The following ASAP1 variants were observed in gnomAD, a reference collection of about 807,000 sequenced individuals.
ASAP1 encodes ArfGAP with SH3 domain, ankyrin repeat and PH domain 1, also known as arf-GAP with SH3 domain, ANK repeat and PH domain-containing protein 1.
A neutral mutation model predicts 145.2 loss-of-function variants in ASAP1; 43 were observed. The observed-to-expected ratio is 0.30, with a 90% CI of 0.23 to 0.38. The LOEUF (loss-of-function observed/expected upper bound fraction) is 0.38. Among genes scored for constraint, ASAP1 ranks in the 10% least tolerant of loss-of-function variants. ASAP1 has a pLI of 1.00. For missense variants in ASAP1, 1,018 were observed against 1,355.3 expected (o/e 0.75, Z 3.91); for synonymous variants, 546 against 515.5 (o/e 1.06, Z -0.80).
chr8:130,425,511 T>A (rs1829884342), intron 1 of ASAP1, among the ~76,000 whole-genome samples: 4 of 152,058 alleles, frequency 2.6e-5, no homozygotes. Context: ...AGCAAGACTC[T>A]GTCTCAAAAA....
intron 24 of ASAP1, among the ~76,000 whole-genome samples, chr8:130,111,661 T>C (rs983090754): frequency 1.5e-5 from 2 of 136,506 alleles, no homozygotes; most frequent in African/African-American, 5.0e-5. Flanking sequence ...CATTTTAATG[T>C]AGAGAAAAGT....
chr8:130,205,529 T>C lies in ASAP1; in HGVS notation c.405+9027A>G, dbSNP rs139792238. On this transcript the variant is annotated intron_variant, in intron 5 of 29. Coordinates refer to ENST00000518721, the MANE Select transcript of ASAP1 (RefSeq NM_018482.4). The stretch of plus-strand genomic sequence containing the variant: ...CAAATAATCAGTTATGGTACAGATA[T>C]ACAATGAAACAGTATGCAGCCTGTT... Among the ~76,000 whole-genome samples, 100 of 149,398 alleles carry C rather than the reference T, an allele frequency of 6.7e-4. 3 individuals carry two copies. In the East Asian group the frequency reaches 0.016, roughly 24 times the overall value.
rs557936380 is a variant in ASAP1 at position 130,132,158 on chromosome 8, C to T, written c.1217+2138G>A. Among the ~76,000 whole-genome samples, 16 of 152,288 alleles carry T rather than the reference C, an allele frequency of 1.1e-4. No individual in the cohort carries two copies. In the South Asian group the frequency reaches 3.3e-3, roughly 32 times the overall value. On this transcript the variant is annotated intron_variant, in intron 15 of 29. Transcript: ENST00000518721. Reference sequence around the variant, plus strand: ...AAATCCTAGCTTACTAGGACTGTTACCATGGGCACATTGTGCCTCTGTTTC... The same window carrying T: ...AAATCCTAGCTTACTAGGACTGTTATCATGGGCACATTGTGCCTCTGTTTC...
chr8:130,273,829 T>A (rs1440493059), intron 3 of ASAP1, among the ~76,000 whole-genome samples: 1 of 152,188 alleles, frequency 6.6e-6, no homozygotes, highest in Non-Finnish European at 1.5e-5. Flanking sequence ...CACTGCCCTG[T>A]CTGGTAACAT....
chr8:130,167,476 G>A, intron 11 of ASAP1, 60 bp downstream of exon 11: 1 of 1,308,538 alleles, frequency 7.6e-7, no homozygotes, highest in Non-Finnish European at 1.1e-6. Flanking sequence ...AAACACAAAG[G>A]GTATTACAAG....
At chr8:130,069,424 A>C (rs781628846) in intron 27 of ASAP1, 1 of 152,108 alleles carries the variant, frequency 6.6e-6, no homozygotes, top group Non-Finnish European at 1.5e-5. Context: ...TTATGTAGAG[A>C]CAGGGTTCTG....
At chr8:130,350,864 A>T (rs1212803386) in intron 3 of ASAP1, among the ~76,000 whole-genome samples, 1 of 152,220 alleles carries the variant, frequency 6.6e-6, no homozygotes, top group Admixed American at 6.5e-5. Flanking sequence ...ACTGCAACTG[A>T]GAGTAGTGGT....
chr8:130,283,706 A>C (rs749722959), intron 3 of ASAP1, among the ~76,000 whole-genome samples: 8 of 152,040 alleles, frequency 5.3e-5, no homozygotes, highest in Non-Finnish European at 8.8e-5. Context: ...TAACTTGATA[A>C]GAACAGAAAG....
intron 4 of ASAP1, among the ~76,000 whole-genome samples, chr8:130,227,399 C>T (rs1388775568): frequency 6.6e-6 from 1 of 152,028 alleles, no homozygotes; most frequent in East Asian, 1.9e-4. Flanking sequence ...ACCACAGGTG[C>T]ATGCCACCAT....
chr8:130,065,304 C>T (rs2097428331), intron 27 of ASAP1, among the ~76,000 whole-genome samples: 1 of 152,150 alleles, frequency 6.6e-6, no homozygotes, highest in Non-Finnish European at 1.5e-5. Context: ...GTGTGTCGCC[C>T]TCCCGGCACG....
At chr8:130,347,717 A>G (rs910635375) in intron 3 of ASAP1, among the ~76,000 whole-genome samples, 11 of 152,162 alleles carry the variant, frequency 7.2e-5, no homozygotes, top group African/African-American at 2.4e-5. Flanking sequence ...AGCCAATCCA[A>G]TCCTCCTTCC....
chr8:130,054,374 G>T lies in ASAP1; in HGVS notation c.*357C>A, dbSNP rs762291650. ...AGAATACTGCATTGTTAGGAACAGA[G>T]TCAATTCTATGCCTTTCAACGGTTG... On this transcript the variant is annotated 3_prime_UTR_variant, in exon 30 of 30. Coordinates refer to ENST00000518721, the MANE Select transcript of ASAP1 (RefSeq NM_018482.4). 1 of 220,604 alleles carries T rather than the reference G, an allele frequency of 4.5e-6. No homozygotes were observed. The highest frequency in any genetic ancestry group is 9.4e-6 in the Non-Finnish European group (1 of 105,870). 13.7% of individuals were successfully genotyped at this position (220,604 alleles called of 1,614,324 possible). A position where few individuals can be genotyped will look rare whatever the true frequency, so the allele number is the denominator to read the frequency against.
At chr8:130,329,555 G>A (rs936371247) in intron 3 of ASAP1, among the ~76,000 whole-genome samples, 1 of 152,104 alleles carries the variant, frequency 6.6e-6, no homozygotes, top group African/African-American at 2.4e-5. Flanking sequence ...TATACAACTC[G>A]CTCAGAGTTC....
At chr8:130,070,272 C>T (rs1480445519) in intron 27 of ASAP1, among the ~76,000 whole-genome samples, 5 of 152,134 alleles carry the variant, frequency 3.3e-5, no homozygotes, top group Admixed American at 6.5e-5. Context: ...CTCCTGACCT[C>T]CTGATCTGCC....
chr8:130,347,626 A>G (rs1305998545), intron 3 of ASAP1, among the ~76,000 whole-genome samples: 1 of 152,160 alleles, frequency 6.6e-6, no homozygotes, highest in African/African-American at 2.4e-5. Context: ...CTGAAGACGA[A>G]GACTTAGCCC....
At chr8:130,216,935 C>A (rs115109585) in intron 4 of ASAP1, among the ~76,000 whole-genome samples, 2,466 of 152,280 alleles carry the variant, frequency 0.016, 71 homozygotes, top group African/African-American at 0.056. Flanking sequence ...AGTCTGGTAC[C>A]AACACAGCAT....
At chr8:130,223,782 C>T (rs1817433537) in intron 4 of ASAP1, among the ~76,000 whole-genome samples, 1 of 152,134 alleles carries the variant, frequency 6.6e-6, no homozygotes, top group Admixed American at 6.5e-5. Flanking sequence ...TCCTGGGAGC[C>T]TAGCCTCTCT....
chr8:130,251,810 C>T (rs1819215666), intron 3 of ASAP1, among the ~76,000 whole-genome samples: 1 of 152,052 alleles, frequency 6.6e-6, no homozygotes, highest in Admixed American at 6.6e-5. Context: ...GTTTAAAATT[C>T]CACATGGAAC....
At chr8:130,368,747 G>A (rs1266021457) in intron 2 of ASAP1, among the ~76,000 whole-genome samples, 1 of 152,220 alleles carries the variant, frequency 6.6e-6, no homozygotes. Context: ...GCCTAAGAAT[G>A]ATCATAACCA....
Sources: gnomAD v4.1 joint callset for allele counts (sites outside exome capture counted in the v4.1 genomes callset) on GRCh38, gnomAD v4.1.1 for gene constraint, MANE v1.5 for transcripts, NCBI Gene and HGNC (gene_info 2026-07-23, HGNC 2026-07-21) for gene names.